Variants in FSD1L observed in about 807,000 individuals in gnomAD.
FSD1L encodes fibronectin type III and SPRY domain containing 1 like.
A neutral mutation model predicts 71.6 loss-of-function variants in FSD1L; 45 were observed. That is an observed-to-expected ratio of 0.63 (90% confidence interval 0.49 to 0.81). The LOEUF (loss-of-function observed/expected upper bound fraction) is 0.81. Among genes scored for constraint, FSD1L ranks in the 30% least tolerant of loss-of-function variants. The pLI is 0.00. For missense variants in FSD1L, 561 were observed against 618.1 expected (o/e 0.91, Z 0.98); for synonymous variants, 197 against 207.2 (o/e 0.95, Z 0.42).
intron 4 of FSD1L, among the ~76,000 whole-genome samples, chr9:105,469,282 C>G (rs1302169415): frequency 2.0e-5 from 3 of 152,134 alleles, no homozygotes; most frequent in Non-Finnish European, 4.4e-5. Context: ...GATATGTATA[C>G]TTCAAAGTAG....
At position 105,448,086 on chromosome 9, in the gene FSD1L, A is replaced by ACGGGTGGGGC; in HGVS notation, c.-130_-121dup. On this transcript the variant is annotated 5_prime_UTR_variant, in exon 1 of 14. Coordinates refer to ENST00000481272, the MANE Select transcript of FSD1L (RefSeq NM_001145313.3). ...TACGGCGCGCGCGGTCTGGGCGCGG[A>ACGGGTGGGGC]CGGGTGGGGCCGGGCGGTGCCGGTG... 4.0e-6 allele frequency: 4 copies of ACGGGTGGGGC among 1,009,080 alleles called. No homozygotes were observed. Among genetic ancestry groups the ACGGGTGGGGC allele is most frequent in the East Asian group, 6.0e-5 (2 of 33,572 alleles). 62.5% of individuals were successfully genotyped at this position (1,009,080 alleles called of 1,614,324 possible).
intron 1 of FSD1L, among the ~76,000 whole-genome samples, chr9:105,455,822 G>A (rs1185236824): frequency 6.6e-6 from 1 of 152,220 alleles, no homozygotes; most frequent in African/African-American, 2.4e-5. Flanking sequence ...CATAGAAGGT[G>A]CTTAATGAAA....
In FSD1L at chr9:105,504,351, A is replaced by G. The variant is rs181320823; in HGVS notation, c.587-2048A>G. Among the ~76,000 whole-genome samples, 22 of 152,348 alleles carry G rather than the reference A, an allele frequency of 1.4e-4. No individual in the cohort carries two copies. The East Asian group carries it at 3.7e-3, about 25-fold the overall frequency. ...TTTTTGGTTGTCAGTTGTCTTACTA[A>G]TAAGTTATATCCAATTCTAAGTATT... On this transcript the variant is annotated intron_variant, in intron 7 of 13. Transcript: ENST00000481272.
intron 10 of FSD1L, chr9:105,522,614 T>C: frequency 6.2e-7 from 1 of 1,613,058 alleles, no homozygotes. Flanking sequence ...GTGCTTTGAA[T>C]GAGGAGCAGC....
chr9:105,499,215 A>T (rs1833617700), intron 7 of FSD1L, among the ~76,000 whole-genome samples: 1 of 152,154 alleles, frequency 6.6e-6, no homozygotes, highest in Non-Finnish European at 1.5e-5. Context: ...CTCTCCCATC[A>T]CTTGTATCAT....
chr9:105,462,039 G>C (rs1416746598), intron 2 of FSD1L, among the ~76,000 whole-genome samples: 2 of 151,764 alleles, frequency 1.3e-5, no homozygotes, highest in African/African-American at 2.4e-5. Context: ...GCTATCTCCA[G>C]ATTTTTGCTA....
chr9:105,534,460 A>C (rs1211351588), intron 10 of FSD1L, 33 bp from the exon 11 acceptor site: 21 of 1,153,482 alleles, frequency 1.8e-5, no homozygotes, highest in Admixed American at 2.3e-5. Context: ...AGTATAAAAT[A>C]TTTGTTTTTC....
intron 10 of FSD1L, among the ~76,000 whole-genome samples, chr9:105,532,819 T>C (rs1835978778): frequency 6.6e-6 from 1 of 152,242 alleles, no homozygotes; most frequent in African/African-American, 2.4e-5. Context: ...ACTTACACTT[T>C]TGCTACTTAA....
intron 2 of FSD1L, among the ~76,000 whole-genome samples, chr9:105,463,931 A>G (rs566046723): frequency 6.6e-6 from 1 of 152,200 alleles, no homozygotes; most frequent in Non-Finnish European, 1.5e-5. Context: ...GCTCTATTCC[A>G]TTGTCATGGC....
In FSD1L at chr9:105,471,900, C is replaced by A. The variant is rs758289792; in HGVS notation, c.340-4C>A. 3.5e-6 allele frequency: 4 copies of A among 1,148,662 alleles called. No individual in the cohort carries two copies. Among genetic ancestry groups the A allele is most frequent in the South Asian group, 2.4e-5 (1 of 42,302 alleles). The allele number at this position is 1,148,662 out of a possible 1,614,324, so 71.2% of individuals were successfully genotyped here. Reference sequence around the variant, plus strand: ...TGACTTAGTTTTTTTTTTTTTTTCCCTAGAGTCAGATTAGTCAATGTAATA... The same window carrying A: ...TGACTTAGTTTTTTTTTTTTTTTCCATAGAGTCAGATTAGTCAATGTAATA... On this transcript the variant is annotated splice_region_variant and splice_polypyrimidine_tract_variant and intron_variant, in intron 4 of 13. Transcript: ENST00000481272.
intron 12 of FSD1L, among the ~76,000 whole-genome samples, chr9:105,537,169 A>G (rs550891060): frequency 1.3e-5 from 2 of 152,242 alleles, no homozygotes; most frequent in Non-Finnish European, 2.9e-5. Context: ...TGAAGATGAC[A>G]TAATATTGAA....
intron 10 of FSD1L, among the ~76,000 whole-genome samples, chr9:105,526,589 A>G (rs1310761081): frequency 3.3e-5 from 5 of 152,238 alleles, no homozygotes; most frequent in African/African-American, 1.2e-4. Context: ...ACATAGGGTT[A>G]ACCCTTTCAG....
intron 7 of FSD1L, among the ~76,000 whole-genome samples, chr9:105,499,633 C>T (rs756597699): frequency 6.6e-6 from 1 of 151,574 alleles, no homozygotes; most frequent in Non-Finnish European, 1.5e-5. Flanking sequence ...TGAATATATG[C>T]CTAGATACAG....
intron 5 of FSD1L, chr9:105,473,081 G>C (rs2131652380): frequency 6.6e-6 from 1 of 152,228 alleles, no homozygotes; most frequent in East Asian, 1.9e-4. Flanking sequence ...AAGGTGGGTG[G>C]TTTGCTTGAG....
At chr9:105,479,604 G>A (rs539516468) in intron 6 of FSD1L, among the ~76,000 whole-genome samples, 1 of 152,286 alleles carries the variant, frequency 6.6e-6, no homozygotes, top group South Asian at 2.1e-4. Context: ...TTCATTTCTG[G>A]TGTAGAAATA....
chr9:105,544,125 C>A (rs918801171), intron 13 of FSD1L, among the ~76,000 whole-genome samples: 1 of 152,222 alleles, frequency 6.6e-6, no homozygotes, highest in Non-Finnish European at 1.5e-5. Flanking sequence ...GATCGCCATT[C>A]TAACTGGTGT....
Position 105,468,265 on chromosome 9 carries a change from A to G in FSD1L, c.280A>G (p.Lys94Glu). ...DSLYSILDEV[K>E]ESMINCIKQE... is the part of the protein sequence containing the mutation. ...TTTATACTCTATACTGGATGAAGTA[A>G]AAGAAAGTATGATTAACTGTATCAA... Residue 94 changes from lysine to glutamate, a missense_variant, in exon 4 of 14, where the codon AAA (lysine) becomes GAA (glutamate). By Grantham distance (56) the Lys-to-Glu change is moderately conservative. This residue lies in a region of FSD1L where 410 missense variants were observed against 413.5 expected (regional missense o/e 0.99). Coordinates refer to ENST00000481272, the MANE Select transcript of FSD1L (RefSeq NM_001145313.3). The G allele has an allele frequency of 6.7e-7, 1 of 1,486,556 alleles. No individual in the cohort carries two copies. Among genetic ancestry groups the G allele is most frequent in the Non-Finnish European group, 8.9e-7 (1 of 1,123,894 alleles). The allele number at this position is 1,486,556 out of a possible 1,614,324, so 92.1% of individuals were successfully genotyped here.
intron 13 of FSD1L, among the ~76,000 whole-genome samples, chr9:105,543,881 C>T (rs554287811): frequency 5.3e-5 from 8 of 152,140 alleles, no homozygotes; most frequent in South Asian, 4.2e-4. Flanking sequence ...TGAATAGTGC[C>T]GCAATAAACA....
chr9:105,461,498 C>T (rs754416836), intron 1 of FSD1L, 22 bp from the exon 2 acceptor site: 7 of 1,357,404 alleles, frequency 5.2e-6, no homozygotes, highest in South Asian at 1.6e-5. Flanking sequence ...CTATTGGCTC[C>T]TACTGTATTT....
Sources: allele counts gnomAD v4.1 joint callset (sites outside exome capture counted in the v4.1 genomes callset), GRCh38; gene constraint gnomAD v4.1.1; regional missense constraint gnomAD v4.1.1; transcripts MANE v1.5; gene names NCBI Gene and HGNC (gene_info 2026-07-23, HGNC 2026-07-21).